Variants in LARP4B observed in about 807,000 individuals in gnomAD.
The protein encoded by LARP4B is La ribonucleoprotein 4B, also known as la-related protein 4B.
A neutral mutation model predicts 89.8 loss-of-function variants in LARP4B; 12 were observed. That is an observed-to-expected ratio of 0.13 (90% CI 0.09 to 0.22). LARP4B has a LOEUF of 0.22. Among genes scored for constraint, LARP4B ranks in the 10% least tolerant of loss-of-function variants. The pLI is 1.00. For synonymous variants in LARP4B, 367 were observed against 363.3 expected, an observed-to-expected ratio of 1.01 and a Z score of -0.12; for missense variants, 757 against 947.7, an observed-to-expected ratio of 0.80 and a Z score of 2.64.
At chr10:872,522 C>T (rs376567386) in intron 3 of LARP4B, among the ~76,000 whole-genome samples, 3 of 152,298 alleles carry the variant, frequency 2.0e-5, no homozygotes. Flanking sequence ...ATCATCAATA[C>T]CAACAGGGTT....
downstream of LARP4B, chr10:807,156 A>AG (rs1328359870): frequency 6.6e-6 from 1 of 152,290 alleles, no homozygotes; most frequent in African/African-American, 2.4e-5. Flanking sequence ...ACTTGGGTCC[A>AG]GGGTCCTAAT....
chr10:841,162 T>TA (rs1427443119), intron 7 of LARP4B, among the ~76,000 whole-genome samples: 2 of 151,988 alleles, frequency 1.3e-5, no homozygotes, highest in Non-Finnish European at 2.9e-5. Context: ...CAAAAATAAA[T>TA]AAATTCATTC....
intron 11 of LARP4B, 39 bp from the exon 12 acceptor site, chr10:825,909 A>T (rs776876025): frequency 7.5e-7 from 1 of 1,331,024 alleles, no homozygotes; most frequent in Middle Eastern, 2.0e-4. Context: ...ATAAACCATA[A>T]AACAGACTTC....
At chr10:893,179 G>T (rs1027640827) in intron 1 of LARP4B, among the ~76,000 whole-genome samples, 4 of 151,798 alleles carry the variant, frequency 2.6e-5, no homozygotes, top group Non-Finnish European at 4.4e-5. Context: ...CTCCCAAAGT[G>T]CTGGGATTAC....
intron 7 of LARP4B, among the ~76,000 whole-genome samples, chr10:837,222 T>G (rs1041361862): frequency 2.6e-5 from 4 of 152,196 alleles, no homozygotes; most frequent in Admixed American, 6.5e-5. Context: ...ACAAGAAAGG[T>G]AACTGGTGCA....
chr10:957,068 C>G, the LARP4B span, among the ~76,000 whole-genome samples: 24 of 152,168 alleles, frequency 1.6e-4, no homozygotes, highest in Non-Finnish European at 2.8e-4. Context: ...AACCAGCAGC[C>G]CTGCTCACTG....
the LARP4B span, among the ~76,000 whole-genome samples, chr10:977,174 G>A: frequency 6.6e-6 from 1 of 152,038 alleles, no homozygotes; most frequent in Non-Finnish European, 1.5e-5. Flanking sequence ...TATTTTTACA[G>A]ACAGGGTCTG....
Position 822,239 on chromosome 10 carries a change from C to T in LARP4B, c.1485-1394G>A, listed in dbSNP as rs972707753. 6.6e-5 allele frequency among the ~76,000 whole-genome samples: 10 copies of T among 152,214 alleles called. No individual in the cohort carries two copies. Among genetic ancestry groups the T allele is most frequent in the African/African-American group, 2.4e-4 (10 of 41,460 alleles). The stretch of plus-strand genomic sequence containing the variant: ...GACAGGACTCAACTGGCCCTGGGGA[C>T]CTGGGAGGGGTGTGAGACGGATGGT... On this transcript the variant is annotated intron_variant, in intron 13 of 17. Transcript: ENST00000316157. This position sits in a 1 kb window ranked among gnomAD's most constrained non-coding sequence, Gnocchi z 4.6.
chr10:917,563 T>C (rs1836855913), intron 1 of LARP4B, among the ~76,000 whole-genome samples: 1 of 152,208 alleles, frequency 6.6e-6, no homozygotes, highest in Non-Finnish European at 1.5e-5. Context: ...AAGACTAGCC[T>C]GGTACCTTGT....
chr10:900,803 G>C (rs1401714214), intron 1 of LARP4B, among the ~76,000 whole-genome samples: 1 of 150,354 alleles, frequency 6.7e-6, no homozygotes. Flanking sequence ...TATGTTTAGA[G>C]AGACGATGTT....
At chr10:900,997 G>A (rs1281370912) in intron 1 of LARP4B, among the ~76,000 whole-genome samples, 1 of 145,622 alleles carries the variant, frequency 6.9e-6, no homozygotes, top group Non-Finnish European at 1.5e-5. Flanking sequence ...TCGGCTAACT[G>A]CAACCTCTGC....
chr10:952,514 T>C, the LARP4B span, among the ~76,000 whole-genome samples: 1 of 94,776 alleles, frequency 1.1e-5, no homozygotes, highest in Non-Finnish European at 2.1e-5. Context: ...CAGACAACCT[T>C]TAAAAGGAAG....
At chr10:906,308 GT>G (rs1226212610) in intron 1 of LARP4B, among the ~76,000 whole-genome samples, 1 of 152,156 alleles carries the variant, frequency 6.6e-6, no homozygotes, top group Non-Finnish European at 1.5e-5. Flanking sequence ...ATACTCCAAA[GT>G]TTTCAAATGA....
the LARP4B span, chr10:972,028 TTTA>T: frequency 8.2e-5 from 11 of 134,160 alleles, no homozygotes; most frequent in East Asian, 2.1e-4. Flanking sequence ...TCTCTCTCTC[TTTA>T]TTTTTTTTTT....
chr10:950,419 T>C, the LARP4B span, among the ~76,000 whole-genome samples: 2 of 152,246 alleles, frequency 1.3e-5, no homozygotes, highest in Non-Finnish European at 2.9e-5. Flanking sequence ...GTGATCCATT[T>C]TGAAATCAGG....
chr10:922,688 T>TAAAC (rs1475118268), intron 1 of LARP4B, among the ~76,000 whole-genome samples: 1 of 142,988 alleles, frequency 7.0e-6, no homozygotes, highest in Non-Finnish European at 1.5e-5. Flanking sequence ...AATAAATAAA[T>TAAAC]AAATAAATAA....
chr10:945,457 C>G, the LARP4B span, among the ~76,000 whole-genome samples: 40 of 151,192 alleles, frequency 2.6e-4, no homozygotes, highest in Non-Finnish European at 5.3e-4. Context: ...GAGGCCAAGG[C>G]GGGTGGATCA....
At chr10:895,329 G>A (rs1258292463) in intron 1 of LARP4B, among the ~76,000 whole-genome samples, 1 of 151,822 alleles carries the variant, frequency 6.6e-6, no homozygotes. Flanking sequence ...TTTAAAATTT[G>A]TATTAATGAA....
chr10:851,942 T>C (rs964363282), intron 5 of LARP4B, among the ~76,000 whole-genome samples: 7 of 152,142 alleles, frequency 4.6e-5, no homozygotes, highest in Admixed American at 3.9e-4. Flanking sequence ...GGTGTGCTAC[T>C]GTAGTCCCAG....
Sources: gnomAD v4.1 joint callset for allele counts (sites outside exome capture counted in the v4.1 genomes callset) on GRCh38, gnomAD v4.1.1 for gene constraint, Gnocchi (gnomAD v3.1) non-coding constraint, MANE v1.5 for transcripts, NCBI Gene and HGNC (gene_info 2026-07-23, HGNC 2026-07-21) for gene names.